The following TBC1D22A variants were observed in gnomAD, a reference collection of about 807,000 sequenced individuals.
TBC1D22A encodes putative GTPase activator.
TBC1D22A carries 38 observed loss-of-function variants against 60.2 expected under a neutral mutation model. The ratio of observed to expected loss-of-function variants is 0.63; its 90% CI spans 0.49 to 0.83. The LOEUF is 0.83. TBC1D22A is among the 40% of genes least tolerant of loss of function. TBC1D22A has a pLI of 0.00. For synonymous variants in TBC1D22A, 302 were observed against 281.7 expected (o/e 1.07, Z -0.72); for missense variants, 628 against 701.0 (o/e 0.90, Z 1.18).
At chr22:46,790,043 C>G (rs1471142261) in intron 1 of TBC1D22A, among the ~76,000 whole-genome samples, 1 of 152,262 alleles carries the variant, frequency 6.6e-6, no homozygotes. Context: ...ACTGCTCTAG[C>G]AAATCATCAC....
chr22:46,834,764 C>G (rs1244654556), intron 4 of TBC1D22A, among the ~76,000 whole-genome samples: 1 of 152,204 alleles, frequency 6.6e-6, no homozygotes, highest in African/African-American at 2.4e-5. Context: ...GATCTGTTTG[C>G]TGCAGACACC....
intron 12 of TBC1D22A, among the ~76,000 whole-genome samples, chr22:47,123,409 A>T (rs573464814): frequency 6.6e-5 from 10 of 152,344 alleles, no homozygotes; most frequent in African/African-American, 2.4e-4. Context: ...TTGTGCACCC[A>T]GTCCTGATAG....
chr22:46,993,909 A>ACC (rs1000257995), intron 9 of TBC1D22A, among the ~76,000 whole-genome samples: 2 of 151,418 alleles, frequency 1.3e-5, no homozygotes, highest in African/African-American at 2.4e-5. Context: ...GCCCAGACCG[A>ACC]CCCCCCTGTG....
intron 8 of TBC1D22A, chr22:46,915,908 T>G: frequency 4.4e-6 from 2 of 450,930 alleles, no homozygotes; most frequent in South Asian, 3.1e-5. Flanking sequence ...AGGTTCCAAC[T>G]CTGCACATGC....
intron 8 of TBC1D22A, among the ~76,000 whole-genome samples, chr22:46,941,848 A>ATAGAATATGTATAGAATATATGTG (rs2072170068): frequency 6.8e-6 from 1 of 147,436 alleles, no homozygotes; most frequent in African/African-American, 2.5e-5. Context: ...GAATATATGT[A>ATAGAATATGTATAGAATATATGTG]TAGAATATGT....
intron 4 of TBC1D22A, among the ~76,000 whole-genome samples, chr22:46,835,072 G>C (rs1239047639): frequency 6.6e-6 from 1 of 152,194 alleles, no homozygotes; most frequent in Non-Finnish European, 1.5e-5. Flanking sequence ...AGTGGAGTGG[G>C]TACATTAATA....
chr22:46,766,332 T>C (rs927598092), intron 1 of TBC1D22A, among the ~76,000 whole-genome samples: 2 of 151,742 alleles, frequency 1.3e-5, no homozygotes, highest in Non-Finnish European at 1.5e-5. Flanking sequence ...GGTTTCACCA[T>C]GTTGGCCAGG....
chr22:46,978,755 C>T (rs1445113361), intron 9 of TBC1D22A, among the ~76,000 whole-genome samples: 1 of 151,980 alleles, frequency 6.6e-6, no homozygotes, highest in Admixed American at 6.6e-5. Context: ...ATTACAGGCA[C>T]ACGCCACCAT....
intron 10 of TBC1D22A, among the ~76,000 whole-genome samples, chr22:47,021,517 A>G (rs1410273584): frequency 6.7e-6 from 1 of 150,208 alleles, no homozygotes; most frequent in Non-Finnish European, 1.5e-5. Context: ...TGAGCAGGGA[A>G]CCTAGCAGAA....
At chr22:46,844,646 G>A (rs2086913476) in intron 4 of TBC1D22A, among the ~76,000 whole-genome samples, 1 of 152,316 alleles carries the variant, frequency 6.6e-6, no homozygotes, top group Non-Finnish European at 1.5e-5. Flanking sequence ...GTGATTCCTG[G>A]GAAGGGTTGG....
At chr22:46,947,417 G>C (rs2072615930) in intron 8 of TBC1D22A, among the ~76,000 whole-genome samples, 1 of 152,184 alleles carries the variant, frequency 6.6e-6, no homozygotes, top group African/African-American at 2.4e-5. Flanking sequence ...CATTAAAGGT[G>C]GACGGTTGGA....
At chr22:46,904,108 T>C (rs1394708213) in intron 7 of TBC1D22A, among the ~76,000 whole-genome samples, 2 of 60,498 alleles carry the variant, frequency 3.3e-5, no homozygotes, top group Admixed American at 3.8e-4. Context: ...TCTATCTATC[T>C]ATCTATCTAT....
intron 4 of TBC1D22A, among the ~76,000 whole-genome samples, chr22:46,854,169 T>C (rs1205749718): frequency 6.6e-6 from 1 of 152,322 alleles, no homozygotes; most frequent in Admixed American, 6.5e-5. Context: ...CGGAGGTGCC[T>C]ACTGCACTGT....
intron 12 of TBC1D22A, among the ~76,000 whole-genome samples, chr22:47,158,181 A>G (rs573640129): frequency 2.6e-5 from 4 of 152,306 alleles, no homozygotes; most frequent in African/African-American, 7.2e-5. Context: ...CCTGGGGTCC[A>G]GTATGGCCTC....
intron 12 of TBC1D22A, among the ~76,000 whole-genome samples, chr22:47,170,289 C>T (rs1205345605): frequency 6.6e-6 from 1 of 152,030 alleles, no homozygotes; most frequent in Non-Finnish European, 1.5e-5. Flanking sequence ...CGGTGAGTTA[C>T]CGTAATGGGA....
At chr22:46,789,039 T>A (rs2084287495) in intron 1 of TBC1D22A, 1 of 160,602 alleles carries the variant, frequency 6.2e-6, no homozygotes, top group African/African-American at 2.4e-5. Flanking sequence ...TCAGATCAGG[T>A]ACGTGCTGTT....
intron 5 of TBC1D22A, among the ~76,000 whole-genome samples, chr22:46,890,811 T>C (rs115653481): frequency 2.3e-3 from 356 of 152,212 alleles, no homozygotes; most frequent in African/African-American, 8.3e-3. Flanking sequence ...TATGTGTGTA[T>C]ATGCATGCGT....
In TBC1D22A at chr22:46,974,274, G is replaced by A. The variant is rs1372410118; in HGVS notation, c.1016-16G>A. 3 of 1,571,304 alleles carry A rather than the reference G, an allele frequency of 1.9e-6. No individual in the cohort carries two copies. In the African/African-American group the frequency reaches 4.1e-5, roughly 21 times the overall value. ...GGCTAAGTCTCCTTGTCTTTTGCAT[G>A]CTCGGCGCCGCCCAGAGGCAGAGGA... On this transcript the variant is annotated splice_polypyrimidine_tract_variant and intron_variant, in intron 8 of 12. Coordinates refer to ENST00000337137, the MANE Select transcript of TBC1D22A (RefSeq NM_014346.5).
intron 4 of TBC1D22A, among the ~76,000 whole-genome samples, chr22:46,837,048 G>GTGCA (rs2086555233): frequency 6.6e-6 from 1 of 151,630 alleles, no homozygotes; most frequent in Admixed American, 6.6e-5. Context: ...GTAGTCCTAG[G>GTGCA]TGCATATTTG....
Sources: gnomAD v4.1 joint callset for allele counts (sites outside exome capture counted in the v4.1 genomes callset) on GRCh38, gnomAD v4.1.1 for gene constraint, MANE v1.5 for transcripts, NCBI Gene and HGNC (gene_info 2026-07-23, HGNC 2026-07-21) for gene names.